Variants in PTPRN2 observed in about 807,000 individuals in gnomAD.
The protein encoded by PTPRN2 is protein tyrosine phosphatase receptor type N2.
Under a neutral mutation model 118.8 loss-of-function variants are expected in PTPRN2, and 74 were observed. The observed-to-expected ratio is 0.62, with a 90% confidence interval of 0.52 to 0.76. PTPRN2 has a LOEUF of 0.76. Ranked by LOEUF, PTPRN2 falls within the 30% of genes least tolerant of loss-of-function variation. The pLI is 0.00. For missense variants in PTPRN2, 1,481 were observed against 1,394.4 expected, an observed-to-expected ratio of 1.06 and a Z score of -0.99; for synonymous variants, 641 against 608.0, an observed-to-expected ratio of 1.05 and a Z score of -0.80.
chr7:158,539,120 G>A (rs1825825216), intron 1 of PTPRN2, among the ~76,000 whole-genome samples: 4 of 152,126 alleles, frequency 2.6e-5, no homozygotes, highest in Admixed American at 1.3e-4. Context: ...CGACCACACT[G>A]GTAACAAACA....
chr7:158,138,814 G>A (rs1277171932), intron 6 of PTPRN2, among the ~76,000 whole-genome samples: 1 of 152,214 alleles, frequency 6.6e-6, no homozygotes, highest in African/African-American at 2.4e-5. Context: ...ACACTGGAAT[G>A]ACCAAGCCAG....
In PTPRN2 at chr7:157,671,181, G is replaced by A. The variant is rs139834220; in HGVS notation, c.2001+11544C>T. ...TTCAATGTATCGATTCATTCTTATCGAGCATGTAAAGGTCCCCGGTGGGTG... is the reference window on the plus strand; with the variant it reads ...TTCAATGTATCGATTCATTCTTATCAAGCATGTAAAGGTCCCCGGTGGGTG... On this transcript the variant is annotated intron_variant, in intron 13 of 22. Transcript: ENST00000389418. This position sits in a 1 kb window ranked among gnomAD's most constrained non-coding sequence, Gnocchi z 4.1. Among the ~76,000 whole-genome samples the A allele has an allele frequency of 0.025, 3,712 of 150,852 alleles. 67 individuals carry two copies. The highest frequency in any genetic ancestry group is 0.062 in the Middle Eastern group (18 of 292).
intron 12 of PTPRN2, among the ~76,000 whole-genome samples, chr7:157,875,854 C>G (rs554989191): frequency 5.1e-5 from 7 of 138,516 alleles, no homozygotes; most frequent in African/African-American, 1.9e-4. Flanking sequence ...GTCCCCAGGG[C>G]AGGCACGGGG....
chr7:157,679,768 C>T (rs1404763930), intron 13 of PTPRN2, among the ~76,000 whole-genome samples: 3 of 152,134 alleles, frequency 2.0e-5, no homozygotes, highest in Non-Finnish European at 2.9e-5. Context: ...AGGGCTGAGG[C>T]GGACAAATGC....
At chr7:158,560,064 A>C (rs1342219573) in intron 1 of PTPRN2, among the ~76,000 whole-genome samples, 1 of 152,148 alleles carries the variant, frequency 6.6e-6, no homozygotes, top group Non-Finnish European at 1.5e-5. Flanking sequence ...GATGATTCTA[A>C]CCACCTCGTA....
intron 12 of PTPRN2, among the ~76,000 whole-genome samples, chr7:157,887,466 C>A (rs1205276030): frequency 9.4e-6 from 1 of 106,812 alleles, no homozygotes; most frequent in Admixed American, 9.7e-5. Context: ...AGTACCCGCT[C>A]CCCCCATTAC....
chr7:158,332,812 C>T (rs1294975809), intron 2 of PTPRN2, among the ~76,000 whole-genome samples: 5 of 147,454 alleles, frequency 3.4e-5, no homozygotes, highest in African/African-American at 7.6e-5. Flanking sequence ...ACGTCACTCA[C>T]GTACACACTT....
rs114374899 is a variant in PTPRN2, at chr7:157,615,454, G to A, written c.2344+5908C>T. The A allele has an allele frequency of 0.052, 24,420 of 471,124 alleles. 776 individuals carry two copies. The highest frequency in any genetic ancestry group is 0.1 in the African/African-American group (5,249 of 50,170). The allele number at this position is 471,124 out of a possible 1,614,324, so 29.2% of individuals were successfully genotyped here. ...GGATGAAAAGGAGGTGTTTAGCCCC[G>A]AGCCTCACGTGGAAACATCTGATGA... On this transcript the variant is annotated intron_variant, in intron 15 of 22. Coordinates refer to ENST00000389418, the MANE Select transcript of PTPRN2 (RefSeq NM_002847.5). The surrounding 1 kb of genome is among the most constrained non-coding windows in gnomAD (Gnocchi z 4.3).
chr7:157,829,095 C>T lies in PTPRN2; in HGVS notation c.1788+69578G>A, dbSNP rs1486934981. Reference sequence around the variant, plus strand: ...TGCCAGCGCGGGGCGCAGCCGGGCGCGGGATGCTCGTGAGCCGTGAGCTTT... The same window carrying T: ...TGCCAGCGCGGGGCGCAGCCGGGCGTGGGATGCTCGTGAGCCGTGAGCTTT... On this transcript the variant is annotated intron_variant, in intron 12 of 22. Coordinates refer to ENST00000389418, the MANE Select transcript of PTPRN2 (RefSeq NM_002847.5). Among the ~76,000 whole-genome samples, 6 of 152,360 alleles carry T rather than the reference C, an allele frequency of 3.9e-5. No individual in the cohort carries two copies. The East Asian group carries it at 7.7e-4, about 20-fold the overall frequency.
chr7:158,136,483 C>T (rs554151313), intron 8 of PTPRN2, among the ~76,000 whole-genome samples, 172 bp downstream of exon 8: 30 of 152,262 alleles, frequency 2.0e-4, no homozygotes, highest in African/African-American at 6.3e-4. Flanking sequence ...CAAATATACA[C>T]ACTTTTGTAT....
intron 6 of PTPRN2, among the ~76,000 whole-genome samples, chr7:158,143,941 C>A (rs959766903): frequency 9.2e-5 from 14 of 152,108 alleles, no homozygotes; most frequent in African/African-American, 3.1e-4. Flanking sequence ...CCGTCCCCCC[C>A]GCAGCCGGAG....
At chr7:158,036,163 A>T (rs1178129125) in intron 11 of PTPRN2, among the ~76,000 whole-genome samples, 1 of 152,256 alleles carries the variant, frequency 6.6e-6, no homozygotes, top group Non-Finnish European at 1.5e-5. Flanking sequence ...AATAACATAT[A>T]CGGAGATATG....
intron 12 of PTPRN2, among the ~76,000 whole-genome samples, chr7:157,843,631 A>G (rs1808589588): frequency 6.6e-6 from 1 of 152,246 alleles, no homozygotes; most frequent in Admixed American, 6.5e-5. Flanking sequence ...CAGAAGGCCC[A>G]GAGCCGCTCA....
intron 2 of PTPRN2, among the ~76,000 whole-genome samples, chr7:158,442,214 G>T (rs896104869): frequency 7.2e-5 from 11 of 151,992 alleles, no homozygotes; most frequent in Non-Finnish European, 4.4e-5. Flanking sequence ...AGTGGTGATG[G>T]TGGCAGCAAG....
chr7:157,846,844 G>C (rs12672719), intron 12 of PTPRN2, among the ~76,000 whole-genome samples: 1,099 of 47,294 alleles, frequency 0.023, 32 homozygotes, highest in East Asian at 0.13. Context: ...GCCCGATGTC[G>C]ACAGAGCCCT....
chr7:158,300,303 C>G (rs546494488), intron 3 of PTPRN2, among the ~76,000 whole-genome samples: 11 of 152,184 alleles, frequency 7.2e-5, no homozygotes, highest in Non-Finnish European at 1.5e-4. Context: ...ATAAAGCAAA[C>G]GGCCAAAGGT....
intron 12 of PTPRN2, among the ~76,000 whole-genome samples, chr7:157,754,197 T>C (rs1209486836): frequency 6.6e-6 from 1 of 152,144 alleles, no homozygotes; most frequent in African/African-American, 2.4e-5. Flanking sequence ...GGGGCCTGAG[T>C]CCTGGGAGAA....
rs1330719633 is a variant in PTPRN2 at position 158,071,298 on chromosome 7, G to A, written c.1723+10000C>T. 3.2e-4 allele frequency among the ~76,000 whole-genome samples: 33 copies of A among 104,662 alleles called. 1 individual carries two copies. The highest frequency in any genetic ancestry group is 7.3e-4 in the African/African-American group (17 of 23,226). The allele number at this position is 104,662 out of a possible 152,430, so 68.7% of individuals were successfully genotyped here. ...GGTGCCCGTGGTGGTGGAGGTGCTC[G>A]TGGTGGAGGTGCCCATGGTAGTGGA... On this transcript the variant is annotated intron_variant, in intron 11 of 22. Transcript: ENST00000389418.
chr7:157,935,988 AG>A (rs1288314604), intron 11 of PTPRN2, among the ~76,000 whole-genome samples: 3 of 131,958 alleles, frequency 2.3e-5, no homozygotes, highest in African/African-American at 5.9e-5. Context: ...TCGCTCCCTC[AG>A]GGGGGGTTTA....
Sources: gnomAD v4.1 joint callset for allele counts (sites outside exome capture counted in the v4.1 genomes callset) on GRCh38, gnomAD v4.1.1 for gene constraint, Gnocchi (gnomAD v3.1) non-coding constraint, MANE v1.5 for transcripts, NCBI Gene and HGNC (gene_info 2026-07-23, HGNC 2026-07-21) for gene names.